CCDC102B: variants seen among roughly 807,000 people sequenced by gnomAD.
CCDC102B encodes coiled-coil domain-containing protein 102B.
In CCDC102B, 75 loss-of-function variants were observed where a neutral mutation model predicts 57.4. The ratio of observed to expected loss-of-function variants is 1.31; its 90% confidence interval spans 1.08 to 1.58. The LOEUF is 1.58. Ranked by LOEUF, CCDC102B falls within the 40% of genes most tolerant of loss-of-function variation. CCDC102B has a pLI of 0.00. For missense variants in CCDC102B, 636 were observed against 582.6 expected (o/e 1.09, Z -0.94); for synonymous variants, 206 against 201.9 (o/e 1.02, Z -0.17).
intron 2 of CCDC102B, among the ~76,000 whole-genome samples, chr18:68,744,151 T>C (rs942123200): frequency 6.6e-6 from 1 of 152,226 alleles, no homozygotes; most frequent in African/African-American, 2.4e-5. Context: ...CTTATTGTAA[T>C]TCAGTTTCAC....
chr18:68,793,778 CT>C (rs2035542621), upstream of CCDC102B, among the ~76,000 whole-genome samples: 1 of 152,128 alleles, frequency 6.6e-6, no homozygotes, highest in East Asian at 1.9e-4. Flanking sequence ...ACATTATCTT[CT>C]TAAGAAATTC....
intron 4 of CCDC102B, among the ~76,000 whole-genome samples, chr18:68,857,467 A>G (rs2144865406): frequency 7.1e-6 from 1 of 141,768 alleles, no homozygotes; most frequent in East Asian, 2.0e-4. Context: ...ATCCTACATT[A>G]AAAAATTATT....
At position 68,964,878 on chromosome 18, in the gene CCDC102B, C is replaced by T. The variant is rs549011754; in HGVS notation, c.1264-46056C>T. ...TTGAATTCTGAACTGACATTTTTTTCCCTCAGTTCTCTTTTCCTCAGTTCT... is the reference window on the plus strand; with the variant it reads ...TTGAATTCTGAACTGACATTTTTTTTCCTCAGTTCTCTTTTCCTCAGTTCT... On this transcript the variant is annotated intron_variant, in intron 6 of 7. Transcript: ENST00000360242. 7.9e-4 allele frequency among the ~76,000 whole-genome samples: 120 copies of T among 151,848 alleles called. 1 individual carries two copies. The highest frequency in any genetic ancestry group is 2.8e-3 in the African/African-American group (117 of 41,484).
chr18:68,936,397 T>G (rs1271799096), intron 6 of CCDC102B, among the ~76,000 whole-genome samples: 1 of 152,024 alleles, frequency 6.6e-6, no homozygotes, highest in Non-Finnish European at 1.5e-5. Flanking sequence ...TGTTCACCTC[T>G]CCAGTAGTTT....
Position 69,054,649 on chromosome 18 carries a change from T to C in CCDC102B, c.*512T>C, listed in dbSNP as rs559080498. The C allele has an allele frequency of 9.2e-6, 9 of 980,346 alleles. No homozygotes were observed. In the East Asian group the frequency reaches 9.1e-4, roughly 99 times the overall value. 60.7% of individuals were successfully genotyped at this position (980,346 alleles called of 1,614,324 possible). A position where few individuals can be genotyped will look rare whatever the true frequency, so the allele number is the denominator to read the frequency against. ...TACATTTCTTATATAATTTTATAAG[T>C]CATTTCTAATCTTTGTATAAAACAG... is the stretch of plus-strand genomic sequence containing the variant. On this transcript the variant is annotated 3_prime_UTR_variant, in exon 8 of 8. Coordinates refer to ENST00000360242, the MANE Select transcript of CCDC102B (RefSeq NM_024781.3).
At chr18:68,749,475 T>A (rs1031866846) in intron 2 of CCDC102B, among the ~76,000 whole-genome samples, 1 of 152,224 alleles carries the variant, frequency 6.6e-6, no homozygotes, top group African/African-American at 2.4e-5. Context: ...GCAGTTCTCC[T>A]TGAAGAGGTC....
At chr18:68,984,572 C>T (rs1011550725) in intron 6 of CCDC102B, among the ~76,000 whole-genome samples, 3 of 152,086 alleles carry the variant, frequency 2.0e-5, no homozygotes, top group Admixed American at 2.0e-4. Flanking sequence ...TCATTACTAG[C>T]TCTGGAGCAA....
chr18:68,895,171 C>T (rs1599648487), intron 5 of CCDC102B, among the ~76,000 whole-genome samples: 1 of 151,706 alleles, frequency 6.6e-6, no homozygotes, highest in Non-Finnish European at 1.5e-5. Flanking sequence ...ATAATATTTT[C>T]ACCTCATATT....
chr18:69,049,225 G>A (rs2052643118), intron 7 of CCDC102B, among the ~76,000 whole-genome samples: 1 of 151,968 alleles, frequency 6.6e-6, no homozygotes, highest in African/African-American at 2.4e-5. Flanking sequence ...GCTGTGTGAT[G>A]TTCCCCTCTC....
intron 2 of CCDC102B, among the ~76,000 whole-genome samples, chr18:68,777,378 CTCTCT>C (rs1375447010): frequency 6.6e-6 from 1 of 152,160 alleles, no homozygotes; most frequent in Non-Finnish European, 1.5e-5. Flanking sequence ...TTTCTCTCCT[CTCTCT>C]TAGGCCCTGA....
intron 6 of CCDC102B, among the ~76,000 whole-genome samples, chr18:68,945,232 T>A (rs2049504747): frequency 6.6e-6 from 1 of 151,956 alleles, no homozygotes; most frequent in African/African-American, 2.4e-5. Flanking sequence ...TTATTTTACA[T>A]AACATGGGAA....
chr18:68,820,706 C>T (rs966415408), intron 1 of CCDC102B, among the ~76,000 whole-genome samples: 44 of 151,870 alleles, frequency 2.9e-4, no homozygotes, highest in African/African-American at 9.9e-4. Flanking sequence ...TTTATTCTTT[C>T]GTTCATACAA....
At chr18:69,034,751 G>T (rs2145453211) in intron 7 of CCDC102B, among the ~76,000 whole-genome samples, 1 of 151,242 alleles carries the variant, frequency 6.6e-6, no homozygotes, top group South Asian at 2.1e-4. Flanking sequence ...TGGATGCTGT[G>T]CATGTGTATA....
At chr18:68,752,168 G>A (rs1457295060) in intron 2 of CCDC102B, among the ~76,000 whole-genome samples, 2 of 152,104 alleles carry the variant, frequency 1.3e-5, no homozygotes, top group Non-Finnish European at 2.9e-5. Flanking sequence ...GCTGAGGCAG[G>A]AGAATCAGTG....
intron 2 of CCDC102B, among the ~76,000 whole-genome samples, chr18:68,758,162 CATACATGTATATGTATGTATT>C (rs1457195460): frequency 6.6e-6 from 1 of 150,646 alleles, no homozygotes; most frequent in Non-Finnish European, 1.5e-5. Context: ...AAGCTGAAGA[CATACATGTATATGTATGTATT>C]ATACATGTAG....
chr18:68,863,405 G>A (rs2038845346), intron 4 of CCDC102B, among the ~76,000 whole-genome samples: 1 of 151,862 alleles, frequency 6.6e-6, no homozygotes. Context: ...GTGTCAGTGT[G>A]TTTCCCTATT....
intron 6 of CCDC102B, among the ~76,000 whole-genome samples, chr18:68,998,434 T>TGTATATATATAATATATC (rs2051094786): frequency 8.5e-4 from 6 of 7,076 alleles, no homozygotes; most frequent in African/African-American, 9.3e-4. Context: ...TATAATATAT[T>TGTATATATATAATATATC]ATATATATAT....
intron 6 of CCDC102B, among the ~76,000 whole-genome samples, chr18:68,959,354 C>T (rs1173521606): frequency 1.3e-5 from 2 of 152,144 alleles, no homozygotes; most frequent in Non-Finnish European, 1.5e-5. Context: ...CTTACTTCCA[C>T]CCAAACAATC....
chr18:68,940,361 A>G (rs1455546617), intron 6 of CCDC102B, among the ~76,000 whole-genome samples: 1 of 151,732 alleles, frequency 6.6e-6, no homozygotes, highest in Admixed American at 6.6e-5. Flanking sequence ...AAACATGCTT[A>G]TTTTCTTTTT....
Sources: allele counts gnomAD v4.1 joint callset (sites outside exome capture counted in the v4.1 genomes callset), GRCh38; gene constraint gnomAD v4.1.1; transcripts MANE v1.5; gene names NCBI Gene and HGNC (gene_info 2026-07-23, HGNC 2026-07-21).